RIMS1: variants seen among roughly 807,000 people sequenced by gnomAD.
RIMS1 encodes regulating synaptic membrane exocytosis 1, also known as regulating synaptic membrane exocytosis protein 1.
In RIMS1, 83 loss-of-function variants were observed where a neutral mutation model predicts 214.1. The ratio of observed to expected loss-of-function variants is 0.39; its 90% confidence interval spans 0.32 to 0.47. The LOEUF (loss-of-function observed/expected upper bound fraction) is 0.47, where lower values mean the gene tolerates loss of function less well. Among genes scored for constraint, RIMS1 ranks in the 20% least tolerant of loss-of-function variants. The probability of loss-of-function intolerance (pLI) is 0.99; values close to 1 mark genes in which losing one functional copy is unlikely to be tolerated. For missense variants in RIMS1, 2,050 were observed against 2,161.8 expected, an observed-to-expected ratio of 0.95 and a Z score of 1.03; for synonymous variants, 793 against 786.8, an observed-to-expected ratio of 1.01 and a Z score of -0.13.
At chr6:72,085,315 A>G (rs927607269) in intron 2 of RIMS1, among the ~76,000 whole-genome samples, 1 of 152,200 alleles carries the variant, frequency 6.6e-6, no homozygotes, top group African/African-American at 2.4e-5. Context: ...AGATATTTAG[A>G]ATATTGCCTC....
chr6:71,986,258 C>A (rs1167846844), intron 2 of RIMS1, among the ~76,000 whole-genome samples: 3 of 149,904 alleles, frequency 2.0e-5, no homozygotes. Context: ...CTCATGGTGT[C>A]CATAATGTCT....
At chr6:72,012,414 G>A in intron 2 of RIMS1, among the ~76,000 whole-genome samples, 1 of 152,094 alleles carries the variant, frequency 6.6e-6, no homozygotes, top group East Asian at 1.9e-4. Flanking sequence ...CACTAACATG[G>A]CACATGTATA....
At chr6:72,283,824 C>G (rs2091290807) in intron 23 of RIMS1, among the ~76,000 whole-genome samples, 1 of 152,088 alleles carries the variant, frequency 6.6e-6, no homozygotes. Flanking sequence ...CTTCTCGTGT[C>G]TTCTATTGGG....
chr6:72,064,677 A>G (rs1490960983), intron 2 of RIMS1, among the ~76,000 whole-genome samples: 1 of 128,456 alleles, frequency 7.8e-6, no homozygotes, highest in African/African-American at 3.0e-5. Context: ...TTTGTTTTTC[A>G]TTTCTATGAT....
intron 27 of RIMS1, among the ~76,000 whole-genome samples, chr6:72,312,777 T>C (rs1193276497): frequency 1.3e-5 from 2 of 152,132 alleles, no homozygotes; most frequent in African/African-American, 4.8e-5. Flanking sequence ...AGTTATATAT[T>C]TTTAAGAAAT....
At chr6:72,130,491 A>T (rs1346975779) in intron 4 of RIMS1, among the ~76,000 whole-genome samples, 1 of 152,140 alleles carries the variant, frequency 6.6e-6, no homozygotes, top group Non-Finnish European at 1.5e-5. Context: ...GGAACCGATT[A>T]TGAAAGTAGG....
At chr6:72,295,485 CAT>C (rs1325239918) in intron 26 of RIMS1, among the ~76,000 whole-genome samples, 2 of 151,502 alleles carry the variant, frequency 1.3e-5, no homozygotes, top group Admixed American at 6.6e-5. Context: ...TTCATTTTAT[CAT>C]ATGAGCCTTT....
chr6:72,340,041 A>C (rs1227858889), intron 29 of RIMS1, among the ~76,000 whole-genome samples: 10 of 151,712 alleles, frequency 6.6e-5, no homozygotes, highest in Non-Finnish European at 1.2e-4. Flanking sequence ...GCCAGTGATG[A>C]TGAGCATTTT....
intron 2 of RIMS1, among the ~76,000 whole-genome samples, chr6:72,057,498 CTTTTTTTTT>C (rs56115719): frequency 2.6e-4 from 33 of 126,218 alleles, no homozygotes; most frequent in African/African-American, 9.7e-4. Flanking sequence ...CCTTCTTTTT[CTTTTTTTTT>C]TTTTTTTTTT....
intron 1 of RIMS1, among the ~76,000 whole-genome samples, chr6:71,940,937 T>G (rs935939000): frequency 2.6e-5 from 4 of 152,164 alleles, no homozygotes; most frequent in Admixed American, 6.5e-5. Flanking sequence ...AGTTTATAAT[T>G]GCAAGGTTTT....
At chr6:72,189,282 C>T (rs1369838415) in intron 6 of RIMS1, among the ~76,000 whole-genome samples, 2 of 152,198 alleles carry the variant, frequency 1.3e-5, no homozygotes, top group African/African-American at 4.8e-5. Context: ...TTCAAAAGGC[C>T]ATTCCACTGT....
In RIMS1 at chr6:72,258,270, G is replaced by A; in HGVS notation, c.2916G>A (p.Val972=). ...QGKPRSRLPN[V]PLQRSLDEIH... ...AGCCGCGTTCACGTTTACCAAATGT[G>A]CCATTACAGAGGTAGGCTTTGAAAT... Residue 972 remains valine (V), a synonymous_variant, in exon 17 of 34, where the codon GTG becomes GTA. Coordinates refer to ENST00000521978, the MANE Select transcript of RIMS1 (RefSeq NM_014989.7). 6.2e-7 allele frequency: 1 copy of A among 1,613,208 alleles called. No individual in the cohort carries two copies. Among genetic ancestry groups the A allele is most frequent in the Non-Finnish European group, 8.5e-7 (1 of 1,179,486 alleles).
At chr6:72,010,450 A>G (rs568987699) in intron 2 of RIMS1, among the ~76,000 whole-genome samples, 2 of 152,358 alleles carry the variant, frequency 1.3e-5, no homozygotes, top group African/African-American at 4.8e-5. Flanking sequence ...CACAGCTCCT[A>G]TTCAACATAA....
At chr6:72,104,812 T>G (rs1191421515) in intron 4 of RIMS1, among the ~76,000 whole-genome samples, 4 of 152,174 alleles carry the variant, frequency 2.6e-5, no homozygotes, top group African/African-American at 9.7e-5. Flanking sequence ...AAAATAATTT[T>G]TATTAGTTGT....
intron 28 of RIMS1, among the ~76,000 whole-genome samples, chr6:72,323,008 G>A (rs895868802): frequency 2.6e-5 from 4 of 152,028 alleles, no homozygotes; most frequent in African/African-American, 7.2e-5. Flanking sequence ...CCAGTGCTGG[G>A]GAGATGGATT....
chr6:72,202,953 C>T (rs1235176431), intron 6 of RIMS1, among the ~76,000 whole-genome samples: 1 of 152,094 alleles, frequency 6.6e-6, no homozygotes, highest in Non-Finnish European at 1.5e-5. Flanking sequence ...GTACCTGATA[C>T]ATAGCAAGTA....
At chr6:72,099,261 AC>A (rs1452491002) in intron 3 of RIMS1, among the ~76,000 whole-genome samples, 2 of 148,848 alleles carry the variant, frequency 1.3e-5, no homozygotes, top group African/African-American at 2.4e-5. Flanking sequence ...GGAGGTACTT[AC>A]GCTTTGGAGA....
chr6:72,230,943 C>T (rs953577290), intron 6 of RIMS1, among the ~76,000 whole-genome samples: 2 of 151,422 alleles, frequency 1.3e-5, no homozygotes, highest in African/African-American at 4.8e-5. Flanking sequence ...TGAATTAGTT[C>T]CTAGGACGTT....
chr6:72,033,204 G>A (rs545767853), intron 2 of RIMS1, among the ~76,000 whole-genome samples: 1 of 152,088 alleles, frequency 6.6e-6, no homozygotes, highest in African/African-American at 2.4e-5. Context: ...ACAAAATCAC[G>A]GCTGCCTAGT....
Sources: gnomAD v4.1 joint callset for allele counts (sites outside exome capture counted in the v4.1 genomes callset) on GRCh38, gnomAD v4.1.1 for gene constraint, MANE v1.5 for transcripts, NCBI Gene and HGNC (gene_info 2026-07-23, HGNC 2026-07-21) for gene names.